MAP4K4: variants seen among roughly 807,000 people sequenced by gnomAD.
The protein encoded by MAP4K4 is HPK/GCK-like kinase HGK.
MAP4K4 carries 38 observed loss-of-function variants against 189.6 expected under a neutral mutation model. The ratio of observed to expected loss-of-function variants is 0.20; its 90% CI spans 0.15 to 0.26. MAP4K4 has a LOEUF of 0.26. Among genes scored for constraint, MAP4K4 ranks in the 10% least tolerant of loss-of-function variants. MAP4K4 has a pLI of 1.00. For missense variants in MAP4K4, 1,054 were observed against 1,726.9 expected, an observed-to-expected ratio of 0.61 and a Z score of 6.91; for synonymous variants, 610 against 624.3, an observed-to-expected ratio of 0.98 and a Z score of 0.34.
intron 2 of MAP4K4, among the ~76,000 whole-genome samples, chr2:101,720,148 T>C (rs573451111): frequency 2.6e-5 from 4 of 151,460 alleles, no homozygotes; most frequent in Non-Finnish European, 5.9e-5. Context: ...CTTAAGTGTT[T>C]GTGTTTTTTG....
chr2:101,823,825 G>A (rs1188354754), intron 3 of MAP4K4, 103 bp from the exon 4 acceptor site: 1 of 977,254 alleles, frequency 1.0e-6, no homozygotes, highest in Non-Finnish European at 1.5e-6. Context: ...GCTCCTGGAG[G>A]ATGGAGAACT....
intron 12 of MAP4K4, among the ~76,000 whole-genome samples, chr2:101,854,811 G>A (rs2097396577): frequency 6.6e-6 from 1 of 151,932 alleles, no homozygotes; most frequent in Admixed American, 6.6e-5. Context: ...AATATTATTG[G>A]CTCTCTGTGT....
chr2:101,855,456 C>T (rs1399088039), intron 12 of MAP4K4, among the ~76,000 whole-genome samples: 1 of 152,158 alleles, frequency 6.6e-6, no homozygotes, highest in Non-Finnish European at 1.5e-5. Context: ...TAGTAGTAAG[C>T]ATTTGCTCAG....
In MAP4K4 at chr2:101,796,200, A is replaced by T. The variant is rs151332690; in HGVS notation, c.180+5424A>T. On this transcript the variant is annotated intron_variant, in intron 3 of 32. Coordinates refer to ENST00000324219, the Ensembl canonical transcript of MAP4K4. The stretch of plus-strand genomic sequence containing the variant: ...TTTTTCTCAGCCACTCGGGCATAGG[A>T]TGCTGTTAAAGCAGGGGATTCTCAA... 3.9e-5 allele frequency among the ~76,000 whole-genome samples: 6 copies of T among 152,248 alleles called. No individual in the cohort carries two copies. The East Asian group carries it at 1.2e-3, about 29-fold the overall frequency.
chr2:101,768,807 G>A (rs543874635), intron 2 of MAP4K4, among the ~76,000 whole-genome samples: 2 of 152,320 alleles, frequency 1.3e-5, no homozygotes, highest in South Asian at 4.1e-4. Flanking sequence ...CTCGTCTGGT[G>A]TTTCTTTCAG....
At chr2:101,802,252 A>G (rs1201675942) in intron 3 of MAP4K4, among the ~76,000 whole-genome samples, 1 of 152,010 alleles carries the variant, frequency 6.6e-6, no homozygotes, top group East Asian at 1.9e-4. Context: ...TGTTGCTTAG[A>G]TTTCTACCAT....
chr2:101,712,903 C>G (rs1348587160), intron 2 of MAP4K4, among the ~76,000 whole-genome samples: 4 of 130,548 alleles, frequency 3.1e-5, no homozygotes, highest in Non-Finnish European at 5.0e-5. Context: ...AAACCAAAAT[C>G]TTTTTTTTTT....
intron 12 of MAP4K4, 80 bp downstream of exon 12, chr2:101,844,391 A>G (rs2097022353): frequency 8.8e-7 from 1 of 1,138,970 alleles, no homozygotes; most frequent in Admixed American, 2.2e-5. Flanking sequence ...TCAGAGGAAT[A>G]TCCTCTGTAG....
intron 21 of MAP4K4, 75 bp from the exon 22 acceptor site, chr2:101,869,547 G>A: frequency 8.4e-7 from 1 of 1,197,138 alleles, no homozygotes; most frequent in Non-Finnish European, 1.2e-6. Context: ...GGCAATTTAT[G>A]GTTAAAGAAC....
At chr2:101,717,819 A>G (rs770562784) in intron 2 of MAP4K4, among the ~76,000 whole-genome samples, 17 of 152,216 alleles carry the variant, frequency 1.1e-4, no homozygotes, top group Non-Finnish European at 1.6e-4. Flanking sequence ...TCAGGAGTAT[A>G]GAGAAAATAG....
intron 3 of MAP4K4, among the ~76,000 whole-genome samples, chr2:101,819,775 G>C (rs1395623594): frequency 1.3e-5 from 2 of 152,170 alleles, no homozygotes; most frequent in Non-Finnish European, 2.9e-5. Context: ...TTATATTTTA[G>C]TTGTTCTTCT....
intron 2 of MAP4K4, among the ~76,000 whole-genome samples, chr2:101,786,296 C>T (rs552950373): frequency 3.7e-4 from 56 of 151,904 alleles, no homozygotes; most frequent in South Asian, 3.5e-3. Context: ...GATGGTTTTT[C>T]GAGTGTGAGG....
At chr2:101,806,655 G>A (rs1371955363) in intron 3 of MAP4K4, among the ~76,000 whole-genome samples, 1 of 152,216 alleles carries the variant, frequency 6.6e-6, no homozygotes, top group Non-Finnish European at 1.5e-5. Flanking sequence ...TGGGATTGCA[G>A]GCGTGAGCCA....
chr2:101,813,979 A>C (rs1347725792), intron 3 of MAP4K4, among the ~76,000 whole-genome samples: 3 of 152,210 alleles, frequency 2.0e-5, no homozygotes, highest in Non-Finnish European at 2.9e-5. Context: ...GAAGTAGAGA[A>C]AATTGAGAGG....
intron 2 of MAP4K4, among the ~76,000 whole-genome samples, chr2:101,753,848 A>G (rs1349376992): frequency 4.0e-5 from 6 of 151,710 alleles, no homozygotes; most frequent in Non-Finnish European, 7.4e-5. Flanking sequence ...GAGTTAAACT[A>G]CCTTGGTGTA....
At chr2:101,814,449 GTGATACAGA>G (rs1387701491) in intron 3 of MAP4K4, among the ~76,000 whole-genome samples, 2 of 152,168 alleles carry the variant, frequency 1.3e-5, no homozygotes, top group Non-Finnish European at 2.9e-5. Context: ...CATGTGAGCT[GTGATACAGA>G]GGTCACTTAG....
chr2:101,796,410 C>A (rs894095186), intron 3 of MAP4K4, among the ~76,000 whole-genome samples: 34 of 152,148 alleles, frequency 2.2e-4, no homozygotes, highest in African/African-American at 8.0e-4. Flanking sequence ...GAGCCCACTC[C>A]CTTCTGTCTG....
At chr2:101,728,643 C>G (rs1574375541) in intron 2 of MAP4K4, among the ~76,000 whole-genome samples, 1 of 152,104 alleles carries the variant, frequency 6.6e-6, no homozygotes, top group East Asian at 1.9e-4. Context: ...CTCAGCCTCC[C>G]GAGTAGCTGG....
intron 3 of MAP4K4, among the ~76,000 whole-genome samples, chr2:101,803,827 C>T (rs1261448158): frequency 6.6e-6 from 1 of 152,170 alleles, no homozygotes; most frequent in African/African-American, 2.4e-5. Flanking sequence ...AATACCCTGA[C>T]AGAAGGAAAG....
Sources: gnomAD v4.1 joint callset for allele counts (sites outside exome capture counted in the v4.1 genomes callset) on GRCh38, gnomAD v4.1.1 for gene constraint, MANE v1.5 for transcripts, NCBI Gene and HGNC (gene_info 2026-07-23, HGNC 2026-07-21) for gene names.